The following IQSEC2 variants were observed in gnomAD, a reference collection of about 807,000 sequenced individuals.
IQSEC2 encodes IQ motif and Sec7 domain ArfGEF 2, also known as IQ motif and SEC7 domain-containing protein 2.
IQSEC2 carries 6 observed loss-of-function variants against 74.6 expected under a neutral mutation model. That is an observed-to-expected ratio of 0.08 (90% CI 0.04 to 0.16). The LOEUF (loss-of-function observed/expected upper bound fraction) is 0.16, where lower values mean the gene tolerates loss of function less well. Among genes scored for constraint, IQSEC2 ranks in the 10% least tolerant of loss-of-function variants. IQSEC2 has a pLI of 1.00. For synonymous variants in IQSEC2, 494 were observed against 544.5 expected (o/e 0.91, Z 1.29); for missense variants, 734 against 1,306.2 (o/e 0.56, Z 6.75).
At chrX:53,299,576 G>A (rs1339356929) in intron 1 of IQSEC2, among the ~76,000 whole-genome samples, 1 of 110,979 alleles carries the variant, frequency 9.0e-6, no homozygotes, top group African/African-American at 3.3e-5. Flanking sequence ...CACTGTTTTA[G>A]GCTGCAGATC....
chrX:53,243,271 C>A (rs2074252236), intron 9 of IQSEC2, 61 bp downstream of exon 9: 1 of 1,037,758 alleles, frequency 9.6e-7, no homozygotes. Flanking sequence ...CAGTGACTTA[C>A]CACTTAGTGG....
chrX:53,227,756 G>GGA (rs782529123), downstream of IQSEC2: 1 of 224,254 alleles, frequency 4.5e-6, no homozygotes, highest in Non-Finnish European at 8.1e-6. Context: ...AGAGGCTCAA[G>GGA]GAAGTACAAA....
chrX:53,244,207 A>T (rs2147064690), intron 8 of IQSEC2, among the ~76,000 whole-genome samples: 1 of 96,260 alleles, frequency 1.0e-5, no homozygotes, highest in Admixed American at 1.2e-4. Flanking sequence ...CAAGATTGAG[A>T]CTCTGTCTCA....
At position 53,234,645 on chromosome X, in the gene IQSEC2, A is replaced by C; in HGVS notation, c.4041T>G (p.Ala1347=). 8.8e-7 allele frequency: 1 copy of C among 1,137,081 alleles called. No homozygotes were observed. The highest frequency in any genetic ancestry group is 1.2e-6 in the Non-Finnish European group (1 of 858,369). The allele number at this position is 1,137,081 out of a possible 1,213,427, so 93.7% of individuals were successfully genotyped here. A position where few individuals can be genotyped will look rare whatever the true frequency, so the allele number is the denominator to read the frequency against. ...GTGGAGCAAACTGAGGGTGTCCTCC[A>C]GCCCCCCGTCTGGGTGCCCTGCCTG... ...GRPGRAPRRG[A]GGHPQFAPHG... Residue 1347 remains alanine, a synonymous_variant, in exon 15 of 15, where the codon GCT becomes GCG. Transcript: ENST00000642864.
At chrX:53,255,023 T>C (rs2074445632) in intron 3 of IQSEC2, 92 bp from the exon 4 acceptor site, 2 of 938,319 alleles carry the variant, frequency 2.1e-6, no homozygotes, top group South Asian at 2.1e-5. Flanking sequence ...ACTGGAATCA[T>C]GGCTGACTGC....
At chrX:53,317,717 C>G (rs781889746) in intron 1 of IQSEC2, among the ~76,000 whole-genome samples, 1 of 112,513 alleles carries the variant, frequency 8.9e-6, no homozygotes, top group Non-Finnish European at 1.9e-5. Context: ...CTAGCCTCCC[C>G]CAATGCTGCA....
At chrX:53,280,349 G>C (rs1459427039) in intron 2 of IQSEC2, among the ~76,000 whole-genome samples, 2 of 111,344 alleles carry the variant, frequency 1.8e-5, no homozygotes, top group African/African-American at 6.5e-5. Flanking sequence ...TGAAGGAAGA[G>C]AGGGAGAGAG....
Position 53,308,627 on chromosome X carries a change from G to A in IQSEC2, c.707+11790C>T, listed in dbSNP as rs1273154326. ...CAAGTACAGAACATAGAGACTGGGA[G>A]GTGGAAGAGGGGAAGGAGAGATGGA... is the stretch of plus-strand genomic sequence containing the variant. On this transcript the variant is annotated intron_variant, in intron 1 of 14. Transcript: ENST00000642864. 1.5e-4 allele frequency among the ~76,000 whole-genome samples: 17 copies of A among 111,450 alleles called. No homozygotes were observed. The Admixed American group carries it at 1.6e-3, about 11-fold the overall frequency.
At chrX:53,274,760 C>A (rs2074801574) in intron 2 of IQSEC2, among the ~76,000 whole-genome samples, 1 of 111,146 alleles carries the variant, frequency 9.0e-6, no homozygotes, top group South Asian at 3.8e-4. Context: ...CGCACCCGGC[C>A]TGCTTTAGCT....
chrX:53,232,214 C>T (rs1211951539), downstream of IQSEC2, among the ~76,000 whole-genome samples: 1 of 112,203 alleles, frequency 8.9e-6, no homozygotes, highest in Non-Finnish European at 1.9e-5. Flanking sequence ...CTTCCCTTCT[C>T]TCAGCCTGTC....
intron 1 of IQSEC2, among the ~76,000 whole-genome samples, chrX:53,316,261 C>T (rs1298869344): frequency 8.9e-6 from 1 of 111,805 alleles, no homozygotes; most frequent in Non-Finnish European, 1.9e-5. Flanking sequence ...GCAAGACTCT[C>T]ATTCTCATTA....
chrX:53,250,197 C>G, intron 5 of IQSEC2, 82 bp downstream of exon 5: 6 of 999,945 alleles, frequency 6.0e-6, no homozygotes, highest in Non-Finnish European at 8.5e-6. Flanking sequence ...ACGGGGATCA[C>G]TGTGTGGAGT....
chrX:53,315,782 C>T lies in IQSEC2; in HGVS notation c.707+4635G>A, dbSNP rs782237840. Among the ~76,000 whole-genome samples, 12 of 112,169 alleles carry T rather than the reference C, an allele frequency of 1.1e-4. No homozygotes were observed. In the South Asian group the frequency reaches 3.3e-3, roughly 31 times the overall value. ...AGAAGGCTGAGACTCACTCGGTACA[C>T]GTGTGGCCTCTTCCCCATGCTCCAG... On this transcript the variant is annotated intron_variant, in intron 1 of 14. Coordinates refer to ENST00000642864, the MANE Select transcript of IQSEC2 (RefSeq NM_001111125.3).
At chrX:53,228,218 C>T (rs11795548), downstream of IQSEC2, among the ~76,000 whole-genome samples, 1 of 112,068 alleles carries the variant, frequency 8.9e-6, no homozygotes, top group Non-Finnish European at 1.9e-5. Context: ...GATGAGGAAA[C>T]TGAAGCTCAG....
chrX:53,237,855 G>A, intron 12 of IQSEC2: 1 of 348,660 alleles, frequency 2.9e-6, no homozygotes, highest in Non-Finnish European at 5.1e-6. Context: ...AGTATACCTG[G>A]GATCTAAAAC....
Position 53,250,329 on chromosome X carries a change from A to G in IQSEC2, c.2247T>C (p.Asn749=). The G allele has an allele frequency of 8.3e-7, 1 of 1,211,598 alleles. No individual in the cohort carries two copies. Among genetic ancestry groups the G allele is most frequent in the Non-Finnish European group, 1.1e-6 (1 of 895,432 alleles). ...GGTAGTGCCGCCTCTGGACCACATC[A>G]TTGTTGAAAGCTGGCGAGTCCCAGC... ...RHSWDSPAFN[N]DVVQRRHYRI... The change falls in exon 5 of 15, where the codon AAT becomes AAC. Residue 749 remains asparagine, a synonymous_variant. Transcript: ENST00000642864.
rs2074371712 is a variant in IQSEC2, at chrX:53,250,651, G to A, written c.1925C>T (p.Pro642Leu). The change falls in exon 5 of 15, where the codon CCG becomes CTG. Residue 642 changes from proline to leucine, a missense_variant. This residue lies in a region of IQSEC2 where 204 missense variants were observed against 305.4 expected (regional missense o/e 0.67). Coordinates refer to ENST00000642864, the MANE Select transcript of IQSEC2 (RefSeq NM_001111125.3). Reference protein sequence around the residue: ...LKHKGPPGRAPIPHRHYPAPE... With the variant: ...LKHKGPPGRALIPHRHYPAPE... Reference sequence around the variant, plus strand: ...GGCTGGGTAGTGGCGGTGTGGGATCGGGGCCCTGCCTGGTGGCCCCTTGTG... The same window carrying A: ...GGCTGGGTAGTGGCGGTGTGGGATCAGGGCCCTGCCTGGTGGCCCCTTGTG... 2 of 1,209,412 alleles carry A rather than the reference G, an allele frequency of 1.7e-6. No individual in the cohort carries two copies. Among genetic ancestry groups the A allele is most frequent in the Non-Finnish European group, 2.2e-6 (2 of 894,448 alleles).
downstream of IQSEC2, chrX:53,230,636 C>A: frequency 8.5e-6 from 1 of 117,387 alleles, no homozygotes. Context: ...TGCTCTGTCA[C>A]CCAGGCTGGA....
rs1238193650 is a variant in IQSEC2, at chrX:53,235,126, G to A, written c.3560C>T (p.Pro1187Leu). ...HQRMPPPPPP[P>L]PPEEYKSQRP... ...CTGGCTCTTGTACTCCTCTGGCGGC[G>A]GGGGTGGGGGCGGAGGTGGCATCCT... is the stretch of plus-strand genomic sequence containing the variant. Residue 1187 changes from proline to leucine, a missense_variant, in exon 15 of 15, where the codon CCG becomes CTG. Transcript: ENST00000642864. The A allele has an allele frequency of 4.4e-6, 5 of 1,131,911 alleles. No individual in the cohort carries two copies. The highest frequency in any genetic ancestry group is 2.6e-5 in the Admixed American group (1 of 37,877). 93.3% of individuals were successfully genotyped at this position (1,131,911 alleles called of 1,213,427 possible).
Sources: allele counts gnomAD v4.1 joint callset (sites outside exome capture counted in the v4.1 genomes callset), GRCh38; gene constraint gnomAD v4.1.1; regional missense constraint gnomAD v4.1.1; transcripts MANE v1.5; gene names NCBI Gene and HGNC (gene_info 2026-07-23, HGNC 2026-07-21).